RTL1: variants seen among roughly 807,000 people sequenced by gnomAD.
RTL1 encodes retrotransposon-like protein 1.
For missense variants in RTL1, 1,681 were observed against 1,767.5 expected (o/e 0.95, Z 0.88); for synonymous variants, 727 against 748.4 (o/e 0.97, Z 0.47).
intron 3 of RTL1, among the ~76,000 whole-genome samples, chr14:100,886,345 T>G (rs2038698163): frequency 6.6e-6 from 1 of 152,168 alleles, no homozygotes. Context: ...GCATGACACT[T>G]AAATTTGATC....
Position 100,881,666 on chromosome 14 carries a change from G to A in RTL1, c.3123C>T (p.Leu1041=). 1 of 1,553,242 alleles carries A rather than the reference G, an allele frequency of 6.4e-7. No individual in the cohort carries two copies. Among genetic ancestry groups the A allele is most frequent in the Non-Finnish European group, 8.7e-7 (1 of 1,147,760 alleles). Residue 1041 remains leucine (L), a synonymous_variant, in exon 4 of 4, where the codon CTC becomes CTT. Coordinates refer to ENST00000649591, the MANE Select transcript of RTL1 (RefSeq NM_001134888.3). The surrounding 1 kb of genome is among the most constrained non-coding windows in gnomAD (Gnocchi z 6.6). The stretch of plus-strand genomic sequence containing the variant: ...GCTCTTGCCGTAGGATCTGTTCATT[G>A]AGCTCATCCTGTTCTTCATTCTCTT... The part of the protein sequence containing the change: ...GEEENEEQDE[L]NEQILRQELL...
intron 2 of RTL1, among the ~76,000 whole-genome samples, chr14:100,897,233 A>G (rs2038870486): frequency 6.6e-6 from 1 of 152,246 alleles, no homozygotes; most frequent in Non-Finnish European, 1.5e-5. Flanking sequence ...ATCCATCAGG[A>G]AACATGCCCT....
chr14:100,897,760 G>GT, intron 2 of RTL1: 1 of 159,428 alleles, frequency 6.3e-6, no homozygotes, highest in African/African-American at 3.0e-5. Context: ...GCGGGGGGGG[G>GT]GGTGGGGGGG....
intron 2 of RTL1, among the ~76,000 whole-genome samples, 185 bp downstream of exon 2, chr14:100,903,106 A>T (rs577745599): frequency 1.3e-5 from 2 of 152,308 alleles, no homozygotes; most frequent in South Asian, 2.1e-4. Context: ...TTTGCATTGT[A>T]TATAACAGCA....
At chr14:100,898,839 T>G (rs1174646273) in intron 2 of RTL1, 1 of 152,272 alleles carries the variant, frequency 6.6e-6, no homozygotes, top group Admixed American at 6.5e-5. Flanking sequence ...GCCCTGACCC[T>G]GGAAGTGGGA....
chr14:100,897,753 G>GGGGGT, intron 2 of RTL1: 1 of 141,758 alleles, frequency 7.1e-6, no homozygotes, highest in Non-Finnish European at 1.4e-5. Flanking sequence ...CTGGTTGGCG[G>GGGGGT]GGGGGGGGGT....
intron 2 of RTL1, chr14:100,899,171 A>G (rs1017283365): frequency 1.3e-5 from 2 of 152,374 alleles, no homozygotes; most frequent in Non-Finnish European, 2.9e-5. Context: ...CCTGCGCTAT[A>G]CCACGTTCCC....
chr14:100,888,481 T>C (rs1449388139), intron 3 of RTL1, among the ~76,000 whole-genome samples: 1 of 152,188 alleles, frequency 6.6e-6, no homozygotes, highest in Non-Finnish European at 1.5e-5. Flanking sequence ...AATCCAAAGT[T>C]ATTAACATGA....
At position 100,897,435 on chromosome 14, in the gene RTL1, C is replaced by T. The variant is rs534863573; in HGVS notation, c.-148-3930G>A. On this transcript the variant is annotated intron_variant, in intron 2 of 3. Coordinates refer to ENST00000649591, the MANE Select transcript of RTL1 (RefSeq NM_001134888.3). ...AATGCTTCCCTCGATCCCTCCCCAT[C>T]ACCCCCCAGCAAATTAACTGCTCTT... 3.3e-5 allele frequency among the ~76,000 whole-genome samples: 5 copies of T among 152,238 alleles called. No individual in the cohort carries two copies. In the South Asian group the frequency reaches 1.0e-3, roughly 32 times the overall value.
chr14:100,902,279 C>A (rs1160190177), intron 2 of RTL1, among the ~76,000 whole-genome samples: 7 of 152,198 alleles, frequency 4.6e-5, no homozygotes, highest in Non-Finnish European at 1.0e-4. Flanking sequence ...TCTTTTCAGT[C>A]CTCTCCTTTC....
intron 2 of RTL1, chr14:100,897,763 T>TGGGGGGGGGGGGGGGGGGGGGGG (rs1566760864): frequency 7.5e-5 from 2 of 26,758 alleles, no homozygotes; most frequent in Admixed American, 7.2e-4. Context: ...GGGGGGGGGG[T>TGGGGGGGGGGGGGGGGGGGGGGG]GGGGGGGTGG....
chr14:100,892,694 C>T (rs889320647), intron 3 of RTL1, among the ~76,000 whole-genome samples: 1 of 152,196 alleles, frequency 6.6e-6, no homozygotes, highest in Non-Finnish European at 1.5e-5. Context: ...ACCCAGCATA[C>T]AGGACCTTCC....
rs61993318 is a variant in RTL1 at position 100,881,145 on chromosome 14, C to G, written c.3644G>C (p.Arg1215Pro). 2 of 1,552,920 alleles carry G rather than the reference C, an allele frequency of 1.3e-6. No homozygotes were observed. Among genetic ancestry groups the G allele is most frequent in the Non-Finnish European group, 1.7e-6 (2 of 1,147,574 alleles). The change falls in exon 4 of 4, where the codon CGT (arginine) becomes CCT (proline). Residue 1215 changes from arginine (R) to proline (P), a missense_variant. Physicochemically the swap from Arg to Pro is moderately radical, Grantham distance 103. Transcript: ENST00000649591. The surrounding 1 kb of genome is among the most constrained non-coding windows in gnomAD (Gnocchi z 6.6). ...TPQEGHLPAL[R>P]QNRYLELHVV... Reference sequence around the variant, plus strand: ...GTGCAGCTCCAGGTAGCGGTTCTGACGCAGGGCAGGGAGGTGGCCCTCCTG... The same window carrying G: ...GTGCAGCTCCAGGTAGCGGTTCTGAGGCAGGGCAGGGAGGTGGCCCTCCTG...
At chr14:100,894,659 C>T (rs974661904) in intron 2 of RTL1, 2 of 152,304 alleles carry the variant, frequency 1.3e-5, no homozygotes, top group African/African-American at 4.8e-5. Flanking sequence ...GCCATTTGGC[C>T]ATGCCACCGA....
Position 100,882,961 on chromosome 14 carries a change from A to G in RTL1, c.1828T>C (p.Cys610Arg), listed in dbSNP as rs763271132. The G allele has an allele frequency of 4.3e-6, 7 of 1,613,896 alleles. No homozygotes were observed. Among genetic ancestry groups the G allele is most frequent in the East Asian group, 2.2e-5 (1 of 44,872 alleles). The change falls in exon 4 of 4, where the codon TGT becomes CGT. Residue 610 changes from cysteine (C) to arginine (R), a missense_variant. Cys to Arg is a radical substitution (Grantham distance 180). Coordinates refer to ENST00000649591, the MANE Select transcript of RTL1 (RefSeq NM_001134888.3). ...GGTTCCCAAGGCGCGGTGGAGGGAC[A>G]CTCGTAAAAGGTCTCGCTGTGATCA... ...DSDHSETFYE[C>R]PSTAPWEPVG... is the part of the protein sequence containing the mutation.
chr14:100,885,629 C>A (rs2038687692), intron 3 of RTL1, among the ~76,000 whole-genome samples: 1 of 150,294 alleles, frequency 6.7e-6, no homozygotes, highest in Non-Finnish European at 1.5e-5. Flanking sequence ...ATTTCTCTTT[C>A]TCGATTTGGT....
chr14:100,883,574 A>C lies in RTL1; in HGVS notation c.1215T>G (p.Asn405Lys). The part of the protein sequence containing the change: ...WLPSEVHPDI[N>K]RAHLFLLLMV... ...TGAGCAGCAGGAAGAGGTGGGCGCG[A>C]TTGATGTCCGGATGGACTTCGCTGG... is the stretch of plus-strand genomic sequence containing the variant. The change falls in exon 4 of 4, where the codon AAT (asparagine) becomes AAG (lysine). Residue 405 changes from asparagine to lysine, a missense_variant. Coordinates refer to ENST00000649591, the MANE Select transcript of RTL1 (RefSeq NM_001134888.3). The surrounding 1 kb of genome is among the most constrained non-coding windows in gnomAD (Gnocchi z 5.9). 6.4e-7 allele frequency: 1 copy of C among 1,551,372 alleles called. No homozygotes were observed. The highest frequency in any genetic ancestry group is 2.0e-5 in the Admixed American group (1 of 50,998).
rs2038589450 is a variant in RTL1, at chr14:100,880,352, G to T, written c.*360C>A. Among the ~76,000 whole-genome samples the T allele has an allele frequency of 6.6e-6, 1 of 152,098 alleles. No homozygotes were observed. The highest frequency in any genetic ancestry group is 2.1e-4 in the South Asian group (1 of 4,828). On this transcript the variant is annotated 3_prime_UTR_variant, in exon 4 of 4. Transcript: ENST00000649591. ...GGGGGGCCCCGTCACCTGCTTGCTTGGCTGCGCCTGCTGTGCCTGCTTCTT... is the reference window on the plus strand; with the variant it reads ...GGGGGGCCCCGTCACCTGCTTGCTTTGCTGCGCCTGCTGTGCCTGCTTCTT...
chr14:100,902,337 G>T (rs963274479), intron 2 of RTL1, among the ~76,000 whole-genome samples: 1 of 152,286 alleles, frequency 6.6e-6, no homozygotes, highest in East Asian at 1.9e-4. Flanking sequence ...AGGATTGGGC[G>T]CCTCTACACC....
Sources: gnomAD v4.1 joint callset for allele counts (sites outside exome capture counted in the v4.1 genomes callset) on GRCh38, gnomAD v4.1.1 for gene constraint, Gnocchi (gnomAD v3.1) non-coding constraint, MANE v1.5 for transcripts, NCBI Gene and HGNC (gene_info 2026-07-23, HGNC 2026-07-21) for gene names.